Variants in PIGU observed in about 807,000 individuals in gnomAD.
The protein encoded by PIGU is phosphatidylinositol glycan anchor biosynthesis class U.
A neutral mutation model predicts 49.9 loss-of-function variants in PIGU; 24 were observed. The observed-to-expected ratio is 0.48, with a 90% CI of 0.35 to 0.68. The LOEUF (loss-of-function observed/expected upper bound fraction) is 0.68, where lower values mean the gene tolerates loss of function less well. Ranked by LOEUF, PIGU falls within the 30% of genes least tolerant of loss-of-function variation. The pLI, the probability that PIGU is intolerant of heterozygous loss-of-function variation, is 0.01. For missense variants in PIGU, 490 were observed against 532.6 expected (o/e 0.92, Z 0.79); for synonymous variants, 220 against 205.7 (o/e 1.07, Z -0.59).
chr20:34,640,030 A>T (rs1007753407), intron 4 of PIGU, among the ~76,000 whole-genome samples: 3 of 152,190 alleles, frequency 2.0e-5, no homozygotes, highest in Admixed American at 1.3e-4. Context: ...GGTGAGATCC[A>T]CAAAGAAGGC....
intron 7 of PIGU, among the ~76,000 whole-genome samples, chr20:34,608,054 T>C (rs981340834): frequency 7.3e-5 from 11 of 150,846 alleles, no homozygotes; most frequent in Admixed American, 1.3e-4. Flanking sequence ...TTAGTGAGCA[T>C]CACTATGGAG....
At chr20:34,588,401 G>GACAA in intron 8 of PIGU, 52 bp downstream of exon 8, 1 of 1,526,612 alleles carries the variant, frequency 6.6e-7, no homozygotes, top group East Asian at 2.3e-5. Flanking sequence ...AGTATACAAG[G>GACAA]GTTCCCTTTT....
chr20:34,639,918 T>C (rs1247471971), intron 4 of PIGU, among the ~76,000 whole-genome samples: 2 of 152,134 alleles, frequency 1.3e-5, no homozygotes, highest in Non-Finnish European at 2.9e-5. Flanking sequence ...GGCTCAGCAA[T>C]CAAGTGCTTA....
chr20:34,671,890 T>C (rs1987317720), intron 1 of PIGU, among the ~76,000 whole-genome samples: 3 of 151,884 alleles, frequency 2.0e-5, no homozygotes, highest in African/African-American at 7.3e-5. Context: ...GCCATTGCAC[T>C]CCAGCCAGGG....
intron 11 of PIGU, chr20:34,562,366 G>A: frequency 8.2e-7 from 1 of 1,226,954 alleles, no homozygotes; most frequent in Non-Finnish European, 1.1e-6. Context: ...TATGGTCTTG[G>A]GGCAAGACAG....
chr20:34,636,569 C>T (rs2146762607), intron 5 of PIGU, among the ~76,000 whole-genome samples: 1 of 151,972 alleles, frequency 6.6e-6, no homozygotes, highest in Non-Finnish European at 1.5e-5. Context: ...TAATCAAGAG[C>T]AAGGAAAACA....
chr20:34,663,336 G>T (rs1455273773), intron 1 of PIGU, among the ~76,000 whole-genome samples: 2 of 152,172 alleles, frequency 1.3e-5, no homozygotes, highest in East Asian at 3.9e-4. Context: ...ATTAGCTGGG[G>T]CATGGTGATG....
At chr20:34,661,545 TTC>T (rs1491436960) in intron 1 of PIGU, among the ~76,000 whole-genome samples, 5 of 151,840 alleles carry the variant, frequency 3.3e-5, no homozygotes, top group African/African-American at 1.2e-4. Flanking sequence ...CATGAGCTCA[TTC>T]TTTTTTTTTT....
At chr20:34,584,291 C>A (rs1983606376) in intron 9 of PIGU, among the ~76,000 whole-genome samples, 1 of 152,122 alleles carries the variant, frequency 6.6e-6, no homozygotes, top group African/African-American at 2.4e-5. Flanking sequence ...TGGAATGGAG[C>A]AGGCCTAACA....
intron 10 of PIGU, among the ~76,000 whole-genome samples, chr20:34,579,809 G>A (rs924607074): frequency 1.3e-5 from 2 of 152,134 alleles, no homozygotes; most frequent in Non-Finnish European, 2.9e-5. Context: ...TAGTTTATTC[G>A]TCTTGAAAAA....
intron 7 of PIGU, among the ~76,000 whole-genome samples, chr20:34,591,563 T>A (rs4564863): frequency 1.3e-5 from 2 of 152,178 alleles, no homozygotes; most frequent in Non-Finnish European, 2.9e-5. Flanking sequence ...CATACAGACT[T>A]CAATCTCTGA....
chr20:34,648,673 T>C (rs1184453206), intron 2 of PIGU, among the ~76,000 whole-genome samples: 1 of 151,966 alleles, frequency 6.6e-6, no homozygotes, highest in Admixed American at 6.6e-5. Flanking sequence ...CTTACCCTCC[T>C]GAGTAGGTGA....
At chr20:34,579,616 T>C (rs2146703953) in intron 10 of PIGU, among the ~76,000 whole-genome samples, 1 of 152,324 alleles carries the variant, frequency 6.6e-6, no homozygotes, top group South Asian at 2.1e-4. Context: ...CAAGCACGTG[T>C]ACTCCCTGCT....
chr20:34,598,951 C>G (rs1984304477), intron 7 of PIGU, among the ~76,000 whole-genome samples: 1 of 152,028 alleles, frequency 6.6e-6, no homozygotes, highest in Admixed American at 6.6e-5. Context: ...CCCAAATAAT[C>G]CTCCTACCTC....
intron 4 of PIGU, among the ~76,000 whole-genome samples, chr20:34,639,016 G>T (rs548562582): frequency 6.6e-6 from 1 of 152,272 alleles, no homozygotes; most frequent in Admixed American, 6.5e-5. Context: ...AACTGTGAAG[G>T]ATTAAAAATT....
chr20:34,657,364 CAGCA>C lies in PIGU; in HGVS notation c.131-124_131-121del, dbSNP rs1986735597. On this transcript the variant is annotated intron_variant, in intron 1 of 11. Transcript: ENST00000217446. The stretch of plus-strand genomic sequence containing the variant: ...TATCTAACCCCCTTTACCTCATCCC[CAGCA>C]AGTGGCTTTAAGTCTTGAACATTTC... The C allele has an allele frequency of 8.9e-6, 6 of 677,046 alleles. No homozygotes were observed. In the East Asian group the frequency reaches 1.6e-4, roughly 18 times the overall value. 41.9% of individuals were successfully genotyped at this position (677,046 alleles called of 1,614,324 possible).
intron 7 of PIGU, among the ~76,000 whole-genome samples, chr20:34,596,032 AAAAAC>A (rs940071567): frequency 7.2e-5 from 11 of 152,234 alleles, no homozygotes; most frequent in Non-Finnish European, 1.5e-4. Flanking sequence ...ACCCTGTCTC[AAAAAC>A]AAAACAAAAC....
chr20:34,600,228 G>A (rs1201744978), intron 7 of PIGU, among the ~76,000 whole-genome samples: 8 of 152,176 alleles, frequency 5.3e-5, no homozygotes, highest in African/African-American at 4.8e-5. Flanking sequence ...CCAACATGGC[G>A]AAACCCTGTC....
intron 1 of PIGU, among the ~76,000 whole-genome samples, chr20:34,668,115 G>A (rs1307234429): frequency 2.6e-5 from 4 of 152,092 alleles, no homozygotes; most frequent in Admixed American, 1.3e-4. Flanking sequence ...CATAAAAGAT[G>A]AGGAAATGCT....
Sources: allele counts gnomAD v4.1 joint callset (sites outside exome capture counted in the v4.1 genomes callset), GRCh38; gene constraint gnomAD v4.1.1; transcripts MANE v1.5; gene names NCBI Gene and HGNC (gene_info 2026-07-23, HGNC 2026-07-21).